The following MYT1L variants were observed in gnomAD, a reference collection of about 807,000 sequenced individuals.
MYT1L encodes myelin transcription factor 1-like protein.
In MYT1L, 12 loss-of-function variants were observed where a neutral mutation model predicts 126.7. The ratio of observed to expected loss-of-function variants is 0.09; its 90% CI spans 0.06 to 0.15. MYT1L has a LOEUF of 0.15. MYT1L is among the 10% of genes least tolerant of loss of function. The probability of loss-of-function intolerance (pLI) is 1.00; values close to 1 mark genes in which losing one functional copy is unlikely to be tolerated. For synonymous variants in MYT1L, 541 were observed against 604.2 expected (o/e 0.90, Z 1.53); for missense variants, 979 against 1,585.2 (o/e 0.62, Z 6.49).
At chr2:1,980,272 ATAT>A (rs990172329) in intron 5 of MYT1L, among the ~76,000 whole-genome samples, 1 of 147,608 alleles carries the variant, frequency 6.8e-6, no homozygotes, top group Non-Finnish European at 1.5e-5. Flanking sequence ...GAGAATCTAA[ATAT>A]TATATATACA....
At chr2:2,010,559 G>C (rs915365950) in intron 4 of MYT1L, among the ~76,000 whole-genome samples, 1 of 151,910 alleles carries the variant, frequency 6.6e-6, no homozygotes, top group Non-Finnish European at 1.5e-5. Flanking sequence ...ATCAAGTCTC[G>C]GTATCTTCTG....
At chr2:2,295,589 CAGACAGAGAGAGAGACAGACAGAG>C (rs2095664520) in intron 1 of MYT1L, among the ~76,000 whole-genome samples, 4 of 40,354 alleles carry the variant, frequency 9.9e-5, no homozygotes, top group Admixed American at 2.1e-4. Context: ...GAGAGACAGA[CAGACAGAGAGAGAGACAGACAGAG>C]AGAGAGAGAG....
intron 2 of MYT1L, among the ~76,000 whole-genome samples, chr2:2,216,654 T>G (rs1410187484): frequency 1.3e-5 from 2 of 151,892 alleles, no homozygotes; most frequent in Non-Finnish European, 2.9e-5. Context: ...AGAAAATAAA[T>G]TATAAAGATC....
intron 18 of MYT1L, among the ~76,000 whole-genome samples, chr2:1,861,959 T>A (rs374176825): frequency 6.6e-5 from 10 of 152,326 alleles, no homozygotes; most frequent in South Asian, 2.1e-4. Flanking sequence ...CTGCAGCCTG[T>A]GTAATCCTGG....
chr2:2,250,560 C>CAAA (rs1230829158), intron 2 of MYT1L, among the ~76,000 whole-genome samples: 39 of 90,762 alleles, frequency 4.3e-4, no homozygotes, highest in South Asian at 1.1e-3. Context: ...TGAAAGGGTA[C>CAAA]AAAAAAAAAA....
intron 13 of MYT1L, among the ~76,000 whole-genome samples, chr2:1,904,275 G>C (rs1197079036): frequency 1.3e-5 from 2 of 152,078 alleles, no homozygotes; most frequent in Non-Finnish European, 2.9e-5. Flanking sequence ...CCTCCCCCTC[G>C]ACAGCTCCTC....
intron 3 of MYT1L, among the ~76,000 whole-genome samples, chr2:2,060,863 CT>C (rs928522218): frequency 1.3e-4 from 18 of 142,332 alleles, no homozygotes; most frequent in Non-Finnish European, 2.6e-4. Context: ...TCTCTCCTTC[CT>C]TTTTTTTGGT....
intron 3 of MYT1L, among the ~76,000 whole-genome samples, chr2:2,070,003 C>A (rs1336106672): frequency 6.6e-6 from 1 of 151,464 alleles, no homozygotes; most frequent in East Asian, 2.0e-4. Flanking sequence ...AGCTCATCAT[C>A]ATTAGTCATT....
chr2:2,001,921 T>C (rs1323867033), intron 4 of MYT1L, among the ~76,000 whole-genome samples: 2 of 152,154 alleles, frequency 1.3e-5, no homozygotes, highest in Non-Finnish European at 2.9e-5. Flanking sequence ...GGGGTCACCT[T>C]CTTTCTACAT....
intron 21 of MYT1L, among the ~76,000 whole-genome samples, chr2:1,813,339 C>G (rs1327520102): frequency 1.3e-5 from 2 of 152,186 alleles, no homozygotes; most frequent in African/African-American, 4.8e-5. Flanking sequence ...TGGGCCTCAG[C>G]CTGGGTCCCA....
chr2:2,239,399 A>G (rs958379585), intron 2 of MYT1L, among the ~76,000 whole-genome samples: 1 of 152,274 alleles, frequency 6.6e-6, no homozygotes, highest in Admixed American at 6.5e-5. Context: ...CACAGTGCAC[A>G]TGGGTGGCAG....
chr2:2,088,770 G>A (rs967020990), intron 3 of MYT1L, among the ~76,000 whole-genome samples: 2 of 152,180 alleles, frequency 1.3e-5, no homozygotes. Context: ...AAAGAATGCA[G>A]TCAGCAATTT....
intron 1 of MYT1L, among the ~76,000 whole-genome samples, chr2:2,309,907 C>T (rs1460305844): frequency 6.6e-6 from 1 of 151,916 alleles, no homozygotes; most frequent in Non-Finnish European, 1.5e-5. Context: ...ACTCCACTTA[C>T]ACTTCAGTAT....
At position 2,170,604 on chromosome 2, in the gene MYT1L, C is replaced by G. The variant is rs1322253199; in HGVS notation, c.-304+2268G>C. 2.0e-5 allele frequency among the ~76,000 whole-genome samples: 3 copies of G among 152,368 alleles called. No individual in the cohort carries two copies. The East Asian group carries it at 5.8e-4, about 29-fold the overall frequency. On this transcript the variant is annotated intron_variant, in intron 3 of 24. Transcript: ENST00000647738. ...TTATGTGAAGATGTATTTTCATTAA[C>G]ATAGCAATGTATTCCCATTCTATAA...
intron 3 of MYT1L, among the ~76,000 whole-genome samples, chr2:2,081,269 G>T (rs2075795143): frequency 6.6e-6 from 1 of 152,096 alleles, no homozygotes; most frequent in South Asian, 2.1e-4. Context: ...GGGAAAATAG[G>T]CCCCCTCTCC....
intron 4 of MYT1L, among the ~76,000 whole-genome samples, chr2:2,026,474 G>A (rs1468233726): frequency 2.0e-5 from 3 of 152,216 alleles, no homozygotes; most frequent in Non-Finnish European, 4.4e-5. Flanking sequence ...CTGTTCCGCA[G>A]ACAGAAAGCT....
chr2:2,005,294 G>A (rs1172178653), intron 4 of MYT1L, among the ~76,000 whole-genome samples: 4,792 of 141,452 alleles, frequency 0.034, 121 homozygotes, highest in Non-Finnish European at 0.046. Flanking sequence ...TTTCCTGCAG[G>A]CGTTCTTTCC....
At chr2:2,310,800 G>A (rs2095954757) in intron 1 of MYT1L, among the ~76,000 whole-genome samples, 2 of 152,018 alleles carry the variant, frequency 1.3e-5, no homozygotes, top group Non-Finnish European at 1.5e-5. Flanking sequence ...TGAGACCCAC[G>A]GGCGGTTGTG....
At chr2:2,316,692 T>C (rs2096069766) in intron 1 of MYT1L, among the ~76,000 whole-genome samples, 1 of 152,212 alleles carries the variant, frequency 6.6e-6, no homozygotes, top group Non-Finnish European at 1.5e-5. Context: ...TAAAGTAAGA[T>C]AAAATTCTGG....
Sources: gnomAD v4.1 joint callset for allele counts (sites outside exome capture counted in the v4.1 genomes callset) on GRCh38, gnomAD v4.1.1 for gene constraint, MANE v1.5 for transcripts, NCBI Gene and HGNC (gene_info 2026-07-23, HGNC 2026-07-21) for gene names.